The following THRB variants were observed in gnomAD, a reference collection of about 807,000 sequenced individuals.
The protein encoded by THRB is nuclear receptor subfamily 1 group A member 2.
A neutral mutation model predicts 47.8 loss-of-function variants in THRB; 12 were observed. The observed-to-expected ratio is 0.25, with a 90% CI of 0.16 to 0.41. The LOEUF (loss-of-function observed/expected upper bound fraction) is 0.41. THRB is among the 10% of genes least tolerant of loss of function. The pLI, the probability that THRB is intolerant of heterozygous loss-of-function variation, is 1.00. For missense variants in THRB, 348 were observed against 589.2 expected, an observed-to-expected ratio of 0.59 and a Z score of 4.24; for synonymous variants, 218 against 212.2, an observed-to-expected ratio of 1.03 and a Z score of -0.24.
At position 24,340,344 on chromosome 3, in the gene THRB, G is replaced by A. The variant is rs368398692; in HGVS notation, c.-260-2973C>T. Among the ~76,000 whole-genome samples, 22 of 151,304 alleles carry A rather than the reference G, an allele frequency of 1.5e-4. No individual in the cohort carries two copies. The East Asian group carries it at 2.1e-3, about 15-fold the overall frequency. On this transcript the variant is annotated intron_variant, in intron 1 of 10. Coordinates refer to ENST00000646209, the MANE Select transcript of THRB (RefSeq NM_001354712.2). ...CTCCTTCTCCTTCTCCTCCTTCTCC[G>A]CCTCTTCCTCCTCCTCTTGCTCCTC...
chr3:24,240,354 G>A (rs527755156), intron 3 of THRB, among the ~76,000 whole-genome samples: 13 of 152,246 alleles, frequency 8.5e-5, no homozygotes, highest in Non-Finnish European at 7.4e-5. Flanking sequence ...TACTGAGCCC[G>A]CGTCAAATGG....
intron 1 of THRB, among the ~76,000 whole-genome samples, chr3:24,365,811 T>C (rs553648490): frequency 6.6e-6 from 1 of 152,306 alleles, no homozygotes; most frequent in Non-Finnish European, 1.5e-5. Flanking sequence ...GACTACTTAT[T>C]TTATAATGGC....
intron 1 of THRB, among the ~76,000 whole-genome samples, chr3:24,404,113 TAATA>T (rs1455930329): frequency 1.3e-5 from 2 of 151,972 alleles, no homozygotes; most frequent in African/African-American, 4.8e-5. Context: ...TGTGGAGATG[TAATA>T]AATAGAATCC....
intron 4 of THRB, among the ~76,000 whole-genome samples, chr3:24,228,729 C>G (rs934773229): frequency 6.6e-6 from 1 of 151,808 alleles, no homozygotes; most frequent in African/African-American, 2.4e-5. Context: ...GTCATTTCCT[C>G]TCCATCACCT....
intron 4 of THRB, among the ~76,000 whole-genome samples, chr3:24,207,933 A>G (rs1007527183): frequency 3.7e-4 from 56 of 152,320 alleles, no homozygotes; most frequent in African/African-American, 1.2e-3. Context: ...ACATGATTGT[A>G]TATTTAGAAA....
intron 1 of THRB, among the ~76,000 whole-genome samples, chr3:24,369,164 T>C (rs561796720): frequency 6.6e-6 from 1 of 152,148 alleles, no homozygotes; most frequent in African/African-American, 2.4e-5. Flanking sequence ...ATCTTATATG[T>C]TTGCATTGGA....
At chr3:24,274,071 C>T (rs1409832493) in intron 3 of THRB, among the ~76,000 whole-genome samples, 2 of 152,090 alleles carry the variant, frequency 1.3e-5, no homozygotes, top group African/African-American at 2.4e-5. Context: ...ACATTATGCT[C>T]ACCTGTGAAA....
At position 24,344,439 on chromosome 3, in the gene THRB, G is replaced by C. The variant is rs183983342; in HGVS notation, c.-260-7068C>G. 7.9e-5 allele frequency among the ~76,000 whole-genome samples: 12 copies of C among 152,144 alleles called. No individual in the cohort carries two copies. In the East Asian group the frequency reaches 2.3e-3, roughly 29 times the overall value. On this transcript the variant is annotated intron_variant, in intron 1 of 10. Coordinates refer to ENST00000646209, the MANE Select transcript of THRB (RefSeq NM_001354712.2). Reference sequence around the variant, plus strand: ...TTTTCTACTTGTAGTTGATCAACAAGAAAATTACTACTCTCTACATCAGCA... The same window carrying C: ...TTTTCTACTTGTAGTTGATCAACAACAAAATTACTACTCTCTACATCAGCA...
chr3:24,453,575 C>T (rs535323413), intron 1 of THRB, among the ~76,000 whole-genome samples: 81 of 152,330 alleles, frequency 5.3e-4, no homozygotes, highest in African/African-American at 1.9e-3. Flanking sequence ...CTGTTTCTAC[C>T]TCATTTTCAC....
chr3:24,253,095 A>G (rs145059716), intron 3 of THRB, among the ~76,000 whole-genome samples: 6 of 152,356 alleles, frequency 3.9e-5, no homozygotes, highest in African/African-American at 1.4e-4. Flanking sequence ...GAAAGGTAGA[A>G]AAATTTGAGG....
At chr3:24,441,233 A>C (rs573373869) in intron 1 of THRB, among the ~76,000 whole-genome samples, 1 of 152,296 alleles carries the variant, frequency 6.6e-6, no homozygotes, top group African/African-American at 2.4e-5. Context: ...TTCTGCTAAA[A>C]TGGAGTCCTA....
chr3:24,482,538 C>CCTCTTT (rs1412452862), intron 1 of THRB, among the ~76,000 whole-genome samples: 1 of 130,916 alleles, frequency 7.6e-6, no homozygotes, highest in African/African-American at 3.0e-5. Flanking sequence ...TTTCTGTCTC[C>CCTCTTT]CTCTCTCTCT....
At chr3:24,304,090 A>G (rs2057159632) in intron 2 of THRB, among the ~76,000 whole-genome samples, 2 of 152,046 alleles carry the variant, frequency 1.3e-5, no homozygotes, top group East Asian at 3.8e-4. Context: ...TAGAATAAAG[A>G]TTATATTAGC....
intron 2 of THRB, among the ~76,000 whole-genome samples, chr3:24,297,666 G>A (rs562946743): frequency 1.3e-5 from 2 of 152,356 alleles, no homozygotes; most frequent in African/African-American, 4.8e-5. Flanking sequence ...GTTCTCGCCT[G>A]CTGTTAAGTA....
At chr3:24,178,225 A>G (rs2041428855) in intron 5 of THRB, among the ~76,000 whole-genome samples, 1 of 152,228 alleles carries the variant, frequency 6.6e-6, no homozygotes, top group African/African-American at 2.4e-5. Context: ...GGTTTGGAAG[A>G]TTGAAAACTA....
intron 1 of THRB, among the ~76,000 whole-genome samples, chr3:24,425,612 A>G (rs2069681520): frequency 1.3e-5 from 2 of 151,956 alleles, no homozygotes; most frequent in South Asian, 4.1e-4. Flanking sequence ...CACTATTGCA[A>G]ATCTGGCAAC....
chr3:24,207,962 A>G (rs942596117), intron 4 of THRB, among the ~76,000 whole-genome samples: 2 of 152,208 alleles, frequency 1.3e-5, no homozygotes, highest in African/African-American at 4.8e-5. Context: ...GTCTCAGCCC[A>G]AAATCTCCTT....
intron 2 of THRB, among the ~76,000 whole-genome samples, chr3:24,336,722 C>CCTTTTTTTTTTTTT (rs1167185445): frequency 2.2e-5 from 3 of 135,958 alleles, no homozygotes; most frequent in African/African-American, 2.7e-5. Flanking sequence ...AATTCTCATG[C>CCTTTTTTTTTTTTT]TTTTTTTTTT....
intron 1 of THRB, among the ~76,000 whole-genome samples, chr3:24,409,566 A>T (rs1243166489): frequency 6.6e-6 from 1 of 151,806 alleles, no homozygotes; most frequent in Non-Finnish European, 1.5e-5. Context: ...GGAGAATTAC[A>T]GTAGCTAGTG....
Sources: allele counts gnomAD v4.1 joint callset (sites outside exome capture counted in the v4.1 genomes callset), GRCh38; gene constraint gnomAD v4.1.1; transcripts MANE v1.5; gene names NCBI Gene and HGNC (gene_info 2026-07-23, HGNC 2026-07-21).